TNRC6A: variants seen among roughly 807,000 people sequenced by gnomAD.
The protein encoded by TNRC6A is trinucleotide repeat-containing gene 6A protein.
In TNRC6A, 44 loss-of-function variants were observed where a neutral mutation model predicts 221.2. That is an observed-to-expected ratio of 0.20 (90% CI 0.16 to 0.26). The LOEUF (loss-of-function observed/expected upper bound fraction) is 0.26, where lower values mean the gene tolerates loss of function less well. TNRC6A is among the 10% of genes least tolerant of loss of function. The pLI is 1.00. For synonymous variants in TNRC6A, 847 were observed against 838.5 expected, an observed-to-expected ratio of 1.01 and a Z score of -0.18; for missense variants, 2,199 against 2,404.4, an observed-to-expected ratio of 0.91 and a Z score of 1.79.
rs375758466 is a variant in TNRC6A at position 24,751,903 on chromosome 16, T to C, written c.141+1090T>C. The stretch of plus-strand genomic sequence containing the variant: ...AGAGAAATTTCGTTAGAGTAGAAAT[T>C]AGGTGAATAAGGAGCAGAATAGAAA... On this transcript the variant is annotated intron_variant, in intron 3 of 24. Coordinates refer to ENST00000395799, the MANE Select transcript of TNRC6A (RefSeq NM_014494.4). 9.2e-5 allele frequency among the ~76,000 whole-genome samples: 14 copies of C among 152,012 alleles called. No individual in the cohort carries two copies. In the East Asian group the frequency reaches 1.4e-3, roughly 15 times the overall value.
intron 5 of TNRC6A, among the ~76,000 whole-genome samples, chr16:24,788,124 C>T (rs1385902560): frequency 1.3e-5 from 2 of 152,170 alleles, no homozygotes; most frequent in Non-Finnish European, 2.9e-5. Flanking sequence ...ACTGCCCTAC[C>T]TGTGGTAAAA....
At chr16:24,636,611 T>G (rs754380025) in intron 1 of TNRC6A, among the ~76,000 whole-genome samples, 29 of 152,176 alleles carry the variant, frequency 1.9e-4, no homozygotes, top group Non-Finnish European at 3.7e-4. Context: ...TCAAGTGATC[T>G]TCTCACCTCA....
chr16:24,789,357 T>A lies in TNRC6A; in HGVS notation c.715T>A (p.Trp239Arg), dbSNP rs764560855. Reference sequence around the variant, plus strand: ...AAGTGACTTGTCGGAAAAAGAAGCATGGCCCTCAGCCCCTGGCAGTGATCC... The same window carrying A: ...AAGTGACTTGTCGGAAAAAGAAGCAAGGCCCTCAGCCCCTGGCAGTGATCC... Reference protein sequence around the residue: ...VVSDLSEKEAWPSAPGSDPEL... With the variant: ...VVSDLSEKEARPSAPGSDPEL... The change falls in exon 6 of 25, where the codon TGG becomes AGG. Residue 239 changes from tryptophan (W) to arginine (R), a missense_variant. Trp to Arg is a moderately radical substitution (Grantham distance 101). Around this residue, in one of 8 missense-constraint regions of TNRC6A, gnomAD observed 1,405 missense variants for 1,400.2 expected, o/e 1.00. Coordinates refer to ENST00000395799, the MANE Select transcript of TNRC6A (RefSeq NM_014494.4). The A allele has an allele frequency of 1.4e-5, 22 of 1,614,214 alleles. No individual in the cohort carries two copies. The South Asian group carries it at 2.0e-4, about 15-fold the overall frequency.
intron 1 of TNRC6A, among the ~76,000 whole-genome samples, chr16:24,613,599 G>C (rs12921175): frequency 0.15 from 22,720 of 149,604 alleles, 1,904 homozygotes; most frequent in Non-Finnish European, 0.18. Flanking sequence ...TCGATCTCGG[G>C]TCACTGCAAC....
chr16:24,787,328 T>G (rs1474844413), intron 5 of TNRC6A, among the ~76,000 whole-genome samples: 2 of 152,212 alleles, frequency 1.3e-5, no homozygotes. Flanking sequence ...TTATGAAGGA[T>G]TCTGACGAAT....
chr16:24,686,521 C>T (rs1474758905), intron 2 of TNRC6A, among the ~76,000 whole-genome samples: 1 of 152,126 alleles, frequency 6.6e-6, no homozygotes, highest in African/African-American at 2.4e-5. Flanking sequence ...CAGGCCATCC[C>T]CTGCGTCTGG....
chr16:24,769,017 CAT>C (rs548425747), intron 4 of TNRC6A, among the ~76,000 whole-genome samples: 53 of 152,220 alleles, frequency 3.5e-4, no homozygotes, highest in Admixed American at 9.1e-4. Context: ...ATTAAGGTGA[CAT>C]AAAGTATTTT....
chr16:24,823,388 C>T lies in TNRC6A; in HGVS notation c.5514-44C>T. On this transcript the variant is annotated intron_variant, in intron 24 of 24. Transcript: ENST00000395799. This position sits in a 1 kb window ranked among gnomAD's most constrained non-coding sequence, Gnocchi z 4.3. ...TCACTTGTGAGTGAATGAAGCCCTC[C>T]TGGTGTGCTGTCCTCACGTGTCCGC... 3 of 1,556,478 alleles carry T rather than the reference C, an allele frequency of 1.9e-6. No homozygotes were observed. Among genetic ancestry groups the T allele is most frequent in the Non-Finnish European group, 2.6e-6 (3 of 1,150,358 alleles).
At chr16:24,646,343 T>C (rs549075895) in intron 2 of TNRC6A, among the ~76,000 whole-genome samples, 41 of 152,322 alleles carry the variant, frequency 2.7e-4, no homozygotes, top group South Asian at 8.3e-4. Flanking sequence ...CCAATGAACA[T>C]TGGCGAAGAC....
chr16:24,622,033 G>A (rs576538330), intron 1 of TNRC6A, among the ~76,000 whole-genome samples: 1 of 152,310 alleles, frequency 6.6e-6, no homozygotes, highest in South Asian at 2.1e-4. Flanking sequence ...TTATCAGATA[G>A]CTTCCTGATG....
chr16:24,758,887 A>T lies in TNRC6A; in HGVS notation c.163+527A>T, dbSNP rs555064281. 9.2e-5 allele frequency among the ~76,000 whole-genome samples: 14 copies of T among 152,158 alleles called. No individual in the cohort carries two copies. The East Asian group carries it at 2.7e-3, about 29-fold the overall frequency. The stretch of plus-strand genomic sequence containing the variant: ...GCACCCATTAGACCCCAAGCAAAAG[A>T]CATCGGAGTGATAAGGAAACAGGAC... On this transcript the variant is annotated intron_variant, in intron 4 of 24. Coordinates refer to ENST00000395799, the MANE Select transcript of TNRC6A (RefSeq NM_014494.4).
intron 2 of TNRC6A, among the ~76,000 whole-genome samples, chr16:24,736,466 G>C (rs200537): frequency 0.82 from 124,557 of 152,114 alleles, 51,094 homozygotes; most frequent in East Asian, 0.89. Flanking sequence ...TCACTCAATT[G>C]CTGTATCCTG....
chr16:24,687,377 T>C (rs1042949401), intron 2 of TNRC6A, among the ~76,000 whole-genome samples: 2 of 152,342 alleles, frequency 1.3e-5, no homozygotes, highest in South Asian at 2.1e-4. Flanking sequence ...GGATGAATTC[T>C]AGCCTCTTTA....
chr16:24,788,598 C>A (rs1036304298), intron 5 of TNRC6A, among the ~76,000 whole-genome samples: 7 of 151,884 alleles, frequency 4.6e-5, no homozygotes, highest in African/African-American at 1.7e-4. Context: ...CTGGGTTGTT[C>A]CGTTATCCTA....
At chr16:24,653,693 T>G (rs563037756) in intron 2 of TNRC6A, among the ~76,000 whole-genome samples, 1 of 151,240 alleles carries the variant, frequency 6.6e-6, no homozygotes, top group South Asian at 2.1e-4. Context: ...AGCACGAGAA[T>G]CACTGGATCC....
chr16:24,762,609 T>C (rs574919255), intron 4 of TNRC6A, among the ~76,000 whole-genome samples: 10 of 152,318 alleles, frequency 6.6e-5, no homozygotes, highest in African/African-American at 2.2e-4. Context: ...TAAAAATTGA[T>C]GTGAGAGTAG....
At chr16:24,808,128 C>T (rs942261005) in intron 17 of TNRC6A, among the ~76,000 whole-genome samples, 2 of 152,180 alleles carry the variant, frequency 1.3e-5, no homozygotes, top group African/African-American at 2.4e-5. Context: ...TCAGAGACAA[C>T]AGTTAGTAGT....
At chr16:24,655,517 C>G (rs994962554) in intron 2 of TNRC6A, among the ~76,000 whole-genome samples, 1 of 151,822 alleles carries the variant, frequency 6.6e-6, no homozygotes, top group African/African-American at 2.4e-5. Flanking sequence ...GGTGAAACCC[C>G]GTCTCTACTA....
intron 18 of TNRC6A, among the ~76,000 whole-genome samples, chr16:24,814,811 A>G (rs2058622700): frequency 6.6e-6 from 1 of 152,150 alleles, no homozygotes; most frequent in African/African-American, 2.4e-5. Context: ...ACCACAATCC[A>G]TTTTTAAACA....
Sources: gnomAD v4.1 joint callset for allele counts (sites outside exome capture counted in the v4.1 genomes callset) on GRCh38, gnomAD v4.1.1 for gene constraint, gnomAD v4.1.1 regional missense constraint, Gnocchi (gnomAD v3.1) non-coding constraint, MANE v1.5 for transcripts, NCBI Gene and HGNC (gene_info 2026-07-23, HGNC 2026-07-21) for gene names.